Variants in CDC42BPG observed in about 807,000 individuals in gnomAD.
CDC42BPG encodes CDC42 binding protein kinase gamma.
Under a neutral mutation model 192.2 loss-of-function variants are expected in CDC42BPG, and 157 were observed. The observed-to-expected ratio is 0.82, with a 90% confidence interval of 0.72 to 0.93. CDC42BPG has a LOEUF of 0.93. Ranked by LOEUF, CDC42BPG falls within the 40% of genes least tolerant of loss-of-function variation. CDC42BPG has a pLI of 0.00. For synonymous variants in CDC42BPG, 981 were observed against 918.5 expected (o/e 1.07, Z -1.23); for missense variants, 1,992 against 2,122.1 (o/e 0.94, Z 1.20).
Position 64,840,453 on chromosome 11 carries a change from T to C in CDC42BPG, c.432+100A>G, listed in dbSNP as rs547103663. 1,434 of 1,402,422 alleles carry C rather than the reference T, an allele frequency of 1.0e-3. 17 individuals carry two copies. The highest frequency in any genetic ancestry group is 6.9e-3 in the South Asian group (560 of 81,710). The allele number at this position is 1,402,422 out of a possible 1,614,324, so 86.9% of individuals were successfully genotyped here. On this transcript the variant is annotated intron_variant, in intron 4 of 36. Transcript: ENST00000342711. ...CTGGTGGGAAGTGGGAGTCTCTTGG[T>C]CCCAAGAGGGGTCTCTCTTTGGGCC...
chr11:64,827,631 G>A lies in CDC42BPG; in HGVS notation c.4066-20C>T, dbSNP rs766245451. The A allele has an allele frequency of 4.4e-6, 7 of 1,606,658 alleles. No homozygotes were observed. The South Asian group carries it at 4.4e-5, about 10-fold the overall frequency. ...CCGCACCTGAGGCAGCAGGCACAGC[G>A]GTCAGGCCACGCCTCCACCCCCGGC... On this transcript the variant is annotated intron_variant, in intron 31 of 36. Coordinates refer to ENST00000342711, the MANE Select transcript of CDC42BPG (RefSeq NM_017525.3).
At chr11:64,839,266 G>C in intron 6 of CDC42BPG, 33 bp from the exon 7 acceptor site, 1 of 1,610,972 alleles carries the variant, frequency 6.2e-7, no homozygotes, top group South Asian at 1.1e-5. Flanking sequence ...CATGAGGACA[G>C]CTTTGGGCTT....
At position 64,834,577 on chromosome 11, in the gene CDC42BPG, C is replaced by T; in HGVS notation, c.2176G>A (p.Asp726Asn). 6.4e-7 allele frequency: 1 copy of T among 1,556,958 alleles called. No individual in the cohort carries two copies. The highest frequency in any genetic ancestry group is 8.7e-7 in the Non-Finnish European group (1 of 1,148,498). ...GTQTLPARPL[D>N]HQWKARRLQK... ...AGTCGCCGCGCCTTCCACTGGTGGT[C>T]CTGGTGGCCACGGAGCACCCGTATA... The change falls in exon 19 of 37, where the codon GAC becomes AAC. Residue 726 changes from aspartate to asparagine, a missense_variant and splice_region_variant. Asp to Asn is a conservative substitution (Grantham distance 23, BLOSUM62 1). This residue lies in a region of CDC42BPG where 1,656 missense variants were observed against 1,844.3 expected (regional missense o/e 0.90). Coordinates refer to ENST00000342711, the MANE Select transcript of CDC42BPG (RefSeq NM_017525.3).
In CDC42BPG at chr11:64,825,577, A is replaced by C. The variant is rs767714137; in HGVS notation, c.4599+893T>G. Among the ~76,000 whole-genome samples, 6 of 152,292 alleles carry C rather than the reference A, an allele frequency of 3.9e-5. 1 individual carries two copies. The Middle Eastern group carries it at 0.01, about 259-fold the overall frequency. ...CAGGGGCAAGAGCCTGCAGGTGTGG[A>C]AGAACATGGCAAGCCCCAGGGCTCC... On this transcript the variant is annotated intron_variant, in intron 36 of 36. Transcript: ENST00000342711.
At position 64,833,757 on chromosome 11, in the gene CDC42BPG, C is replaced by T. The variant is rs780582559; in HGVS notation, c.2546G>A (p.Arg849Gln). 9.9e-6 allele frequency: 16 copies of T among 1,613,982 alleles called. No homozygotes were observed. The highest frequency in any genetic ancestry group is 1.7e-5 in the Admixed American group (1 of 60,014). ...CCTCACCCCCATGCGCAGGCTGCGT[C>T]GGCCCTCCGGCCTCAGATCTGGCTC... Reference protein sequence around the residue: ...GGEPDLRPEGRRSLRMGAVFP... With the variant: ...GGEPDLRPEGQRSLRMGAVFP... The change falls in exon 22 of 37, where the codon CGA (arginine) becomes CAA (glutamine). Residue 849 changes from arginine (R) to glutamine (Q), a missense_variant. Transcript: ENST00000342711.
chr11:64,843,110 G>C (rs1243387428), intron 1 of CDC42BPG, among the ~76,000 whole-genome samples: 2 of 152,134 alleles, frequency 1.3e-5, no homozygotes, highest in Non-Finnish European at 1.5e-5. Flanking sequence ...GGAGGATCCA[G>C]GCCCCTGGAC....
At position 64,830,276 on chromosome 11, in the gene CDC42BPG, G is replaced by T. The variant is rs774977837; in HGVS notation, c.3305-20C>A. On this transcript the variant is annotated intron_variant, in intron 28 of 36. Coordinates refer to ENST00000342711, the MANE Select transcript of CDC42BPG (RefSeq NM_017525.3). ...CCTGGTCTGGTAGAGGGAGGCAGAG[G>T]GTCAGAGGTCAGCAGTCCCACTCAA... The T allele has an allele frequency of 5.0e-6, 8 of 1,584,694 alleles. No homozygotes were observed. Among genetic ancestry groups the T allele is most frequent in the Non-Finnish European group, 6.9e-6 (8 of 1,163,308 alleles).
At chr11:64,840,677 G>T in intron 3 of CDC42BPG, 29 bp from the exon 4 acceptor site, 1 of 1,605,252 alleles carries the variant, frequency 6.2e-7, no homozygotes, top group Non-Finnish European at 8.5e-7. Flanking sequence ...AGTAAGGGGT[G>T]GGGTGGGATC....
At chr11:64,833,203 C>T (rs1414198752) in intron 24 of CDC42BPG, 28 bp downstream of exon 24, 1 of 1,504,846 alleles carries the variant, frequency 6.6e-7, no homozygotes, top group Non-Finnish European at 9.0e-7. Flanking sequence ...GGGACCGTGG[C>T]TGGAGCATAG....
chr11:64,840,476 G>T (rs765581111), intron 4 of CDC42BPG, 77 bp downstream of exon 4: 74 of 1,498,214 alleles, frequency 4.9e-5, no homozygotes, highest in Non-Finnish European at 6.5e-5. Flanking sequence ...CTCTCTTTGG[G>T]CCCAGTGCCC....
intron 30 of CDC42BPG, 121 bp downstream of exon 30, chr11:64,829,350 G>A (rs1015772993): frequency 2.3e-6 from 3 of 1,292,332 alleles, no homozygotes; most frequent in Admixed American, 2.3e-5. Context: ...TTGTTGGGCT[G>A]GAGGATGCAA....
Position 64,824,083 on chromosome 11 carries a change from C to A in CDC42BPG, c.*390G>T. On this transcript the variant is annotated 3_prime_UTR_variant, in exon 37 of 37. Coordinates refer to ENST00000342711, the MANE Select transcript of CDC42BPG (RefSeq NM_017525.3). ...ATCTTGGCCTCAGCTGGGAGTCAGA[C>A]AGTCCACAGATAAGACCTCCAACCT... 1 of 258,468 alleles carries A rather than the reference C, an allele frequency of 3.9e-6. No individual in the cohort carries two copies. Among genetic ancestry groups the A allele is most frequent in the Non-Finnish European group, 7.5e-6 (1 of 132,554 alleles). The allele number at this position is 258,468 out of a possible 1,614,324, so 16.0% of individuals were successfully genotyped here. A position where few individuals can be genotyped will look rare whatever the true frequency, so the allele number is the denominator to read the frequency against.
intron 6 of CDC42BPG, 96 bp from the exon 7 acceptor site, chr11:64,839,329 C>G (rs1943173349): frequency 6.5e-7 from 1 of 1,542,542 alleles, no homozygotes; most frequent in African/African-American, 1.4e-5. Flanking sequence ...CTCTGCCAGG[C>G]TGGCCTGCTG....
intron 36 of CDC42BPG, among the ~76,000 whole-genome samples, chr11:64,825,116 C>T (rs1234751072): frequency 6.6e-6 from 1 of 152,084 alleles, no homozygotes; most frequent in Non-Finnish European, 1.5e-5. Context: ...AGGGTTTCAC[C>T]ATGTTGGCCA....
Position 64,836,526 on chromosome 11 carries a change from C to T in CDC42BPG, c.1389G>A (p.Met463Ile). 6.2e-7 allele frequency: 1 copy of T among 1,613,022 alleles called. No individual in the cohort carries two copies. Among genetic ancestry groups the T allele is most frequent in the Non-Finnish European group, 8.5e-7 (1 of 1,179,736 alleles). ...GGGACAATGAGGCCTTGTCCCTCAG[C>T]ATCTCTGCCAGGAAGAGTCACTGAG... The part of the protein sequence containing the change: ...VQTLRDRLPE[M>I]LRDKASLSQT... The change falls in exon 12 of 37, where the codon ATG (methionine) becomes ATA (isoleucine). Residue 463 changes from methionine to isoleucine, a missense_variant. This residue lies in a region of CDC42BPG where 1,656 missense variants were observed against 1,844.3 expected (regional missense o/e 0.90). Coordinates refer to ENST00000342711, the MANE Select transcript of CDC42BPG (RefSeq NM_017525.3).
chr11:64,837,832 T>C (rs1943088648), intron 9 of CDC42BPG, among the ~76,000 whole-genome samples: 1 of 152,216 alleles, frequency 6.6e-6, no homozygotes, highest in African/African-American at 2.4e-5. Flanking sequence ...CCTGCACCTC[T>C]GGCTCTAGGT....
At chr11:64,824,715 T>A (rs907358390) in intron 36 of CDC42BPG, among the ~76,000 whole-genome samples, 186 bp from the exon 37 acceptor site, 36 of 152,250 alleles carry the variant, frequency 2.4e-4, no homozygotes, top group Middle Eastern at 3.4e-3. Context: ...GGAGAGCTCC[T>A]ACTTAACTTT....
intron 32 of CDC42BPG, 27 bp downstream of exon 32, chr11:64,827,500 C>A: frequency 6.2e-7 from 1 of 1,606,164 alleles, no homozygotes; most frequent in East Asian, 2.2e-5. Context: ...GGGGAACGCA[C>A]ACACCCGTAC....
chr11:64,836,720 G>GGGGGGGGC lies in CDC42BPG; in HGVS notation c.1384+18_1384+19insGCCCCCCC, dbSNP rs1565690188. 2.4e-6 allele frequency: 2 copies of GGGGGGGGC among 843,776 alleles called. No homozygotes were observed. Among genetic ancestry groups the GGGGGGGGC allele is most frequent in the South Asian group, 1.7e-5 (1 of 57,314 alleles). 52.3% of individuals were successfully genotyped at this position (843,776 alleles called of 1,614,324 possible). On this transcript the variant is annotated intron_variant, in intron 11 of 36. Transcript: ENST00000342711. Reference sequence around the variant, plus strand: ...GGACTCAGCCCTGGGGGGGGGGGGGGGGTGGGCGGAAGGGATACCTGGCAG... The same window carrying GGGGGGGGC: ...GGACTCAGCCCTGGGGGGGGGGGGGGGGGGGGGCGGTGGGCGGAAGGGATACCTGGCAG...
Sources: allele counts gnomAD v4.1 joint callset (sites outside exome capture counted in the v4.1 genomes callset), GRCh38; gene constraint gnomAD v4.1.1; regional missense constraint gnomAD v4.1.1; transcripts MANE v1.5; gene names NCBI Gene and HGNC (gene_info 2026-07-23, HGNC 2026-07-21).